Variants in SLC39A9 observed in about 807,000 individuals in gnomAD.
SLC39A9 encodes the protein zinc transporter ZIP9.
Under a neutral mutation model 28.4 loss-of-function variants are expected in SLC39A9, and 14 were observed. The ratio of observed to expected loss-of-function variants is 0.49; its 90% CI spans 0.33 to 0.77. The LOEUF (loss-of-function observed/expected upper bound fraction) is 0.77, where lower values mean the gene tolerates loss of function less well. Among genes scored for constraint, SLC39A9 ranks in the 30% least tolerant of loss-of-function variants. The probability of loss-of-function intolerance (pLI) is 0.02; values close to 1 mark genes in which losing one functional copy is unlikely to be tolerated. For synonymous variants in SLC39A9, 119 were observed against 149.6 expected, an observed-to-expected ratio of 0.80 and a Z score of 1.49; for missense variants, 283 against 381.1, an observed-to-expected ratio of 0.74 and a Z score of 2.14.
intron 2 of SLC39A9, among the ~76,000 whole-genome samples, chr14:69,426,211 T>C (rs1202632905): frequency 6.6e-6 from 1 of 152,106 alleles, no homozygotes; most frequent in Non-Finnish European, 1.5e-5. Context: ...GATCTAGGGC[T>C]CAGTCCCCAA....
chr14:69,437,163 G>A (rs982534335), intron 2 of SLC39A9, among the ~76,000 whole-genome samples: 7 of 152,160 alleles, frequency 4.6e-5, no homozygotes, highest in African/African-American at 4.8e-5. Flanking sequence ...CACCGCGCCC[G>A]GCCTGGGATC....
intron 3 of SLC39A9, among the ~76,000 whole-genome samples, chr14:69,445,593 G>A (rs925693208): frequency 2.0e-5 from 3 of 152,062 alleles, no homozygotes; most frequent in African/African-American, 7.2e-5. Flanking sequence ...ACTGTGTAGG[G>A]GGTCAACACT....
intron 2 of SLC39A9, among the ~76,000 whole-genome samples, chr14:69,439,190 A>C (rs1884924469): frequency 6.6e-6 from 1 of 152,222 alleles, no homozygotes; most frequent in Admixed American, 6.5e-5. Context: ...TCATAATAGC[A>C]TCAGAGGGGG....
At chr14:69,445,052 G>GA (rs34157502) in intron 3 of SLC39A9, among the ~76,000 whole-genome samples, 46,683 of 148,020 alleles carry the variant, frequency 0.32, 7,381 homozygotes, top group Middle Eastern at 0.45. Flanking sequence ...TTGTTAAATG[G>GA]AAAAAAAAAA....
intron 2 of SLC39A9, among the ~76,000 whole-genome samples, chr14:69,439,026 T>G (rs754550983): frequency 6.6e-6 from 1 of 152,214 alleles, no homozygotes; most frequent in Non-Finnish European, 1.5e-5. Flanking sequence ...ATCTTATGCA[T>G]AGAAATACCT....
intron 1 of SLC39A9, among the ~76,000 whole-genome samples, chr14:69,413,419 G>T (rs1442503184): frequency 1.3e-5 from 2 of 151,882 alleles, no homozygotes; most frequent in Non-Finnish European, 2.9e-5. Context: ...ATTTTGCCAT[G>T]TAAGGACACT....
At chr14:69,427,543 C>T (rs970146228) in intron 2 of SLC39A9, among the ~76,000 whole-genome samples, 2 of 152,118 alleles carry the variant, frequency 1.3e-5, no homozygotes, top group Admixed American at 6.5e-5. Flanking sequence ...AATCAAAATA[C>T]AGAATAGTTT....
chr14:69,440,418 C>G (rs1884986836), intron 2 of SLC39A9, among the ~76,000 whole-genome samples: 1 of 151,952 alleles, frequency 6.6e-6, no homozygotes, highest in South Asian at 2.1e-4. Flanking sequence ...ACTACATCTC[C>G]ACAAAAACAA....
At position 69,460,079 on chromosome 14, in the gene SLC39A9, C is replaced by T; in HGVS notation, c.*1486C>T. 1 of 981,674 alleles carries T rather than the reference C, an allele frequency of 1.0e-6. No homozygotes were observed. The highest frequency in any genetic ancestry group is 1.2e-6 in the Non-Finnish European group (1 of 826,290). The allele number at this position is 981,674 out of a possible 1,614,324, so 60.8% of individuals were successfully genotyped here. A position where few individuals can be genotyped will look rare whatever the true frequency, so the allele number is the denominator to read the frequency against. On this transcript the variant is annotated 3_prime_UTR_variant, in exon 7 of 7. Coordinates refer to ENST00000336643, the MANE Select transcript of SLC39A9 (RefSeq NM_018375.5). ...TTGCCAAAATTTTTGTAAACCCTGT[C>T]TTGTCAAATAAGTGTATAATATTGT...
chr14:69,449,483 G>C (rs1274821150), intron 3 of SLC39A9, among the ~76,000 whole-genome samples: 1 of 152,122 alleles, frequency 6.6e-6, no homozygotes, highest in Non-Finnish European at 1.5e-5. Flanking sequence ...AAATTAGCTG[G>C]GCATGGTGGC....
At chr14:69,433,167 G>A (rs1319417193) in intron 2 of SLC39A9, among the ~76,000 whole-genome samples, 3 of 152,144 alleles carry the variant, frequency 2.0e-5, no homozygotes, top group Admixed American at 6.5e-5. Context: ...TGTTCCTAGT[G>A]TGCTGAGAGT....
chr14:69,455,597 G>A, intron 5 of SLC39A9, 135 bp from the exon 6 acceptor site: 1 of 1,195,822 alleles, frequency 8.4e-7, no homozygotes, highest in African/African-American at 1.5e-5. Context: ...TAGGATTACA[G>A]GCATTAGCCA....
At chr14:69,439,559 A>G (rs1477992549) in intron 2 of SLC39A9, among the ~76,000 whole-genome samples, 1 of 152,168 alleles carries the variant, frequency 6.6e-6, no homozygotes. Flanking sequence ...AACCCCTATC[A>G]TAATTCCAGT....
At chr14:69,443,465 C>T (rs892472594) in intron 3 of SLC39A9, among the ~76,000 whole-genome samples, 7 of 152,064 alleles carry the variant, frequency 4.6e-5, no homozygotes, top group East Asian at 1.9e-4. Context: ...TGAGTGAAAG[C>T]GATAATTTAA....
At chr14:69,443,347 G>A (rs758032445) in intron 3 of SLC39A9, among the ~76,000 whole-genome samples, 2 of 152,224 alleles carry the variant, frequency 1.3e-5, no homozygotes, top group Non-Finnish European at 2.9e-5. Context: ...GTTAGATGCA[G>A]AGCTACTTGA....
At chr14:69,408,192 T>C (rs1883049945) in intron 1 of SLC39A9, among the ~76,000 whole-genome samples, 1 of 152,058 alleles carries the variant, frequency 6.6e-6, no homozygotes, top group African/African-American at 2.4e-5. Context: ...TTTGTATTTT[T>C]GGTAGAGACA....
intron 6 of SLC39A9, among the ~76,000 whole-genome samples, chr14:69,456,872 G>A (rs770340706): frequency 2.0e-5 from 3 of 152,190 alleles, no homozygotes; most frequent in Non-Finnish European, 2.9e-5. Flanking sequence ...GCAAGGGTTT[G>A]TTGATCTTAG....
At chr14:69,422,404 A>AT (rs893914195) in intron 1 of SLC39A9, among the ~76,000 whole-genome samples, 7 of 151,758 alleles carry the variant, frequency 4.6e-5, no homozygotes, top group African/African-American at 1.5e-4. Flanking sequence ...GTTTTTTATT[A>AT]TTTTTTATTT....
chr14:69,462,031 A>C lies in SLC39A9; in HGVS notation c.*3438A>C. On this transcript the variant is annotated 3_prime_UTR_variant, in exon 7 of 7. Coordinates refer to ENST00000336643, the MANE Select transcript of SLC39A9 (RefSeq NM_018375.5). ...AAACCTCTTTGTACCTGAGACATCT[A>C]GATTCACCTCAGGAGGCCTGAAGGA... 2 of 266,320 alleles carry C rather than the reference A, an allele frequency of 7.5e-6. No homozygotes were observed. Among genetic ancestry groups the C allele is most frequent in the Non-Finnish European group, 1.4e-5 (2 of 140,878 alleles). 16.5% of individuals were successfully genotyped at this position (266,320 alleles called of 1,614,324 possible). A position where few individuals can be genotyped will look rare whatever the true frequency, so the allele number is the denominator to read the frequency against.
Sources: gnomAD v4.1 joint callset for allele counts (sites outside exome capture counted in the v4.1 genomes callset) on GRCh38, gnomAD v4.1.1 for gene constraint, MANE v1.5 for transcripts, NCBI Gene and HGNC (gene_info 2026-07-23, HGNC 2026-07-21) for gene names.